RARB: variants seen among roughly 807,000 people sequenced by gnomAD.
RARB encodes retinoic acid receptor beta, also known as HBV-activated protein.
Under a neutral mutation model 51.9 loss-of-function variants are expected in RARB, and 17 were observed. The observed-to-expected ratio is 0.33, with a 90% CI of 0.22 to 0.49. The LOEUF is 0.49. RARB is among the 20% of genes least tolerant of loss of function. The pLI is 0.99. For synonymous variants in RARB, 215 were observed against 195.4 expected (o/e 1.10, Z -0.84); for missense variants, 369 against 550.8 (o/e 0.67, Z 3.30).
chr3:25,327,443 C>T (rs1358876465), intron 5 of RARB, among the ~76,000 whole-genome samples: 1 of 152,054 alleles, frequency 6.6e-6, no homozygotes, highest in Non-Finnish European at 1.5e-5. Flanking sequence ...TTAATAGCTA[C>T]ATTAGAAGAG....
chr3:25,056,910 AATTG>A (rs1266798103), intron 2 of RARB, among the ~76,000 whole-genome samples: 9 of 152,076 alleles, frequency 5.9e-5, no homozygotes, highest in Admixed American at 5.9e-4. Flanking sequence ...AGTCTGTGTA[AATTG>A]ATTGACTGTA....
At chr3:25,195,480 G>A (rs1701211653) in intron 5 of RARB, among the ~76,000 whole-genome samples, 1 of 151,980 alleles carries the variant, frequency 6.6e-6, no homozygotes, top group Non-Finnish European at 1.5e-5. Context: ...CGTCAGCTTG[G>A]AGATCCCTAA....
intron 3 of RARB, among the ~76,000 whole-genome samples, chr3:25,075,607 C>T (rs1376427988): frequency 6.6e-6 from 1 of 151,760 alleles, no homozygotes; most frequent in African/African-American, 2.4e-5. Context: ...TGCTAAGAAC[C>T]CTCTTATTAT....
chr3:25,560,693 T>G (rs771716358), intron 3 of RARB, among the ~76,000 whole-genome samples: 7 of 152,172 alleles, frequency 4.6e-5, no homozygotes, highest in Non-Finnish European at 1.0e-4. Flanking sequence ...AAAAATTCTT[T>G]CCTCCCTCCC....
intron 1 of RARB, among the ~76,000 whole-genome samples, chr3:24,834,248 TTTGA>T (rs1250496233): frequency 3.3e-5 from 5 of 152,236 alleles, no homozygotes; most frequent in African/African-American, 1.2e-4. Context: ...CAGTACTATG[TTTGA>T]TTGTTAATTT....
chr3:25,045,809 G>A (rs1000887605), intron 2 of RARB, among the ~76,000 whole-genome samples: 3 of 152,162 alleles, frequency 2.0e-5, no homozygotes, highest in African/African-American at 7.2e-5. Context: ...ATTTTTATTA[G>A]TTCCAAAATA....
chr3:25,167,392 T>A (rs1409865542), intron 4 of RARB, among the ~76,000 whole-genome samples: 1 of 152,176 alleles, frequency 6.6e-6, no homozygotes, highest in Non-Finnish European at 1.5e-5. Context: ...TGGCACCAAC[T>A]TTTTTGGAAG....
chr3:25,072,041 C>T (rs1698776644), intron 3 of RARB, among the ~76,000 whole-genome samples: 1 of 152,140 alleles, frequency 6.6e-6, no homozygotes, highest in Admixed American at 6.5e-5. Context: ...TTGTCTTTGC[C>T]CTGTGGCGGT....
chr3:25,356,360 T>C (rs1705734168), intron 5 of RARB, among the ~76,000 whole-genome samples: 1 of 152,138 alleles, frequency 6.6e-6, no homozygotes, highest in African/African-American at 2.4e-5. Flanking sequence ...TTTCTAAGTT[T>C]TATTTACATT....
chr3:24,870,629 G>T (rs1702928244), intron 2 of RARB, among the ~76,000 whole-genome samples: 1 of 151,858 alleles, frequency 6.6e-6, no homozygotes, highest in Non-Finnish European at 1.5e-5. Context: ...TAGCATTTTG[G>T]GGATCATATT....
In RARB at chr3:24,910,243, C is replaced by T. The variant is rs545262981; in HGVS notation, c.-380+51491C>T. Among the ~76,000 whole-genome samples, 134 of 152,176 alleles carry T rather than the reference C, an allele frequency of 8.8e-4. No homozygotes were observed. In the South Asian group the frequency reaches 0.027, roughly 31 times the overall value. On this transcript the variant is annotated intron_variant, in intron 2 of 11. Coordinates refer to the RARB transcript ENST00000383772. ...TAGAAACTTAGGGAAATTGGGGGTGCTGGCAAAAAAACGTTGAATTGCATT... is the reference window on the plus strand; with the variant it reads ...TAGAAACTTAGGGAAATTGGGGGTGTTGGCAAAAAAACGTTGAATTGCATT...
intron 2 of RARB, among the ~76,000 whole-genome samples, chr3:24,920,563 A>T (rs1314006504): frequency 1.3e-5 from 2 of 149,398 alleles, no homozygotes; most frequent in Non-Finnish European, 3.0e-5. Flanking sequence ...TCTTTTCCAG[A>T]TAAAGAACAA....
intron 5 of RARB, among the ~76,000 whole-genome samples, chr3:25,288,430 G>A (rs1444544112): frequency 6.6e-6 from 1 of 152,090 alleles, no homozygotes; most frequent in East Asian, 1.9e-4. Flanking sequence ...GAAGCAAAGG[G>A]GACACAGTCA....
intron 2 of RARB, among the ~76,000 whole-genome samples, chr3:24,957,137 A>G (rs1057421115): frequency 6.6e-5 from 10 of 152,310 alleles, no homozygotes; most frequent in Non-Finnish European, 1.0e-4. Context: ...TGAGCAGACA[A>G]CATTCCAGCA....
Position 25,102,042 on chromosome 3 carries a change from T to C in RARB, c.-327-30119T>C, listed in dbSNP as rs554071950. Reference sequence around the variant, plus strand: ...TTAAACCAACATTTTTGGATCCAGATTTATGAACAAATTTAAAATTTTTCA... The same window carrying C: ...TTAAACCAACATTTTTGGATCCAGACTTATGAACAAATTTAAAATTTTTCA... On this transcript the variant is annotated intron_variant, in intron 3 of 11. Transcript: ENST00000383772. Among the ~76,000 whole-genome samples, 3 of 152,250 alleles carry C rather than the reference T, an allele frequency of 2.0e-5. No homozygotes were observed. In the South Asian group the frequency reaches 6.2e-4, roughly 32 times the overall value.
At chr3:25,019,421 G>A (rs908913425) in intron 2 of RARB, among the ~76,000 whole-genome samples, 4 of 152,130 alleles carry the variant, frequency 2.6e-5, no homozygotes, top group Admixed American at 6.6e-5. Context: ...GTGGGGTCCG[G>A]TTGGGATTGG....
At chr3:25,007,260 T>C (rs564620219) in intron 2 of RARB, among the ~76,000 whole-genome samples, 1 of 152,272 alleles carries the variant, frequency 6.6e-6, no homozygotes, top group South Asian at 2.1e-4. Flanking sequence ...CCCAAGTCAG[T>C]GGACATCATT....
At chr3:25,268,407 A>G (rs1026749951) in intron 5 of RARB, among the ~76,000 whole-genome samples, 31 of 151,910 alleles carry the variant, frequency 2.0e-4, no homozygotes, top group African/African-American at 7.2e-4. Flanking sequence ...AAAAAAAGTC[A>G]AGATGCCATG....
chr3:25,208,023 G>GC (rs1252123582), intron 5 of RARB, among the ~76,000 whole-genome samples: 1 of 151,644 alleles, frequency 6.6e-6, no homozygotes, highest in Admixed American at 6.6e-5. Context: ...AGAGGGCAAG[G>GC]GGGGGAGCAA....
Sources: gnomAD v4.1 joint callset for allele counts (sites outside exome capture counted in the v4.1 genomes callset) on GRCh38, gnomAD v4.1.1 for gene constraint, MANE v1.5 for transcripts, NCBI Gene and HGNC (gene_info 2026-07-23, HGNC 2026-07-21) for gene names.